SIRPD: variants seen among roughly 807,000 people sequenced by gnomAD.
SIRPD encodes the protein signal regulatory protein delta.
SIRPD carries 21 observed loss-of-function variants against 18.0 expected under a neutral mutation model. The observed-to-expected ratio is 1.17, with a 90% CI of 0.83 to 1.68. SIRPD has a LOEUF of 1.68. SIRPD is among the 40% of genes most tolerant of loss of function. The probability of loss-of-function intolerance (pLI) is 0.00; values close to 1 mark genes in which losing one functional copy is unlikely to be tolerated. For missense variants in SIRPD, 295 were observed against 238.4 expected (o/e 1.24, Z -1.56); for synonymous variants, 106 against 92.9 (o/e 1.14, Z -0.81).
chr20:1,546,094 G>A (rs573106161), intron 2 of SIRPD, among the ~76,000 whole-genome samples: 47 of 152,340 alleles, frequency 3.1e-4, no homozygotes, highest in Non-Finnish European at 2.4e-4. Context: ...GAGGCACGGG[G>A]GTCAGCGACC....
intron 2 of SIRPD, among the ~76,000 whole-genome samples, chr20:1,540,889 G>A (rs1278269050): frequency 1.3e-5 from 2 of 152,096 alleles, no homozygotes; most frequent in Non-Finnish European, 2.9e-5. Flanking sequence ...AATATGTGGT[G>A]TTTATTTTTT....
chr20:1,540,245 T>C (rs1485916809), intron 2 of SIRPD: 1 of 455,656 alleles, frequency 2.2e-6, no homozygotes, highest in East Asian at 6.9e-5. Flanking sequence ...TGTTCTCTCC[T>C]AGAACCTCCA....
chr20:1,535,063 C>T (rs893486583), intron 3 of SIRPD, among the ~76,000 whole-genome samples: 1 of 151,984 alleles, frequency 6.6e-6, no homozygotes, highest in Non-Finnish European at 1.5e-5. Flanking sequence ...GATGGTACAA[C>T]CACAAAATGG....
chr20:1,553,788 C>T (rs755188463), intron 1 of SIRPD, among the ~76,000 whole-genome samples: 3 of 152,138 alleles, frequency 2.0e-5, no homozygotes, highest in Non-Finnish European at 2.9e-5. Flanking sequence ...TCCAGAATGG[C>T]TTACTAGAAA....
At position 1,552,098 on chromosome 20, in the gene SIRPD, G is replaced by T. The variant is rs187691061; in HGVS notation, c.74-60C>A. 92 of 1,383,816 alleles carry T rather than the reference G, an allele frequency of 6.6e-5. 1 individual carries two copies. The East Asian group carries it at 2.1e-3, about 31-fold the overall frequency. The allele number at this position is 1,383,816 out of a possible 1,614,324, so 85.7% of individuals were successfully genotyped here. A position where few individuals can be genotyped will look rare whatever the true frequency, so the allele number is the denominator to read the frequency against. On this transcript the variant is annotated intron_variant, in intron 1 of 3. Coordinates refer to ENST00000381623, the MANE Select transcript of SIRPD (RefSeq NM_178460.3). ...CTGTTCTGGCTTAAGCATGGGTACG[G>T]GTCACGGTTGGGCCTCATTCATTAA...
rs189061799 is a variant in SIRPD at position 1,539,578 on chromosome 20, C to G, written c.422-2268G>C. Reference sequence around the variant, plus strand: ...TGAGAGAACTGCTGTGGTAGTCAGCCTTTGAGATTATCTCCAGCTCCTGGC... The same window carrying G: ...TGAGAGAACTGCTGTGGTAGTCAGCGTTTGAGATTATCTCCAGCTCCTGGC... On this transcript the variant is annotated intron_variant, in intron 2 of 3. Coordinates refer to ENST00000381623, the MANE Select transcript of SIRPD (RefSeq NM_178460.3). Among the ~76,000 whole-genome samples the G allele has an allele frequency of 1.2e-4, 19 of 152,298 alleles. 1 individual carries two copies. The East Asian group carries it at 3.5e-3, about 28-fold the overall frequency.
chr20:1,535,527 G>A (rs1269460910), intron 3 of SIRPD, among the ~76,000 whole-genome samples: 1 of 152,114 alleles, frequency 6.6e-6, no homozygotes, highest in Non-Finnish European at 1.5e-5. Context: ...AGAGACCCAA[G>A]TATAGTATGC....
At chr20:1,540,947 G>A (rs74181592) in intron 2 of SIRPD, among the ~76,000 whole-genome samples, 5,003 of 152,222 alleles carry the variant, frequency 0.033, 129 homozygotes, top group Non-Finnish European at 0.054. Context: ...CTTCATCCAT[G>A]TCCCTGGAAA....
At chr20:1,555,464 G>A (rs1426906269) in intron 1 of SIRPD, among the ~76,000 whole-genome samples, 1 of 152,172 alleles carries the variant, frequency 6.6e-6, no homozygotes, top group African/African-American at 2.4e-5. Context: ...CTTCAAACTA[G>A]CTAAAAGAGT....
rs1352202774 is a variant in SIRPD at position 1,534,545 on chromosome 20, T to A, written c.578-104A>T. The A allele has an allele frequency of 3.7e-5, 46 of 1,251,424 alleles. No homozygotes were observed. The South Asian group carries it at 6.0e-4, about 16-fold the overall frequency. The allele number at this position is 1,251,424 out of a possible 1,614,324, so 77.5% of individuals were successfully genotyped here. A position where few individuals can be genotyped will look rare whatever the true frequency, so the allele number is the denominator to read the frequency against. On this transcript the variant is annotated intron_variant, in intron 3 of 3. Transcript: ENST00000381623. ...TTAGCTTAGCAAACATGAAAAAGAT[T>A]GCCAATTTTCTGTGTTGCTAAGGTT...
At chr20:1,538,321 A>G (rs760839979) in intron 2 of SIRPD, among the ~76,000 whole-genome samples, 4 of 152,124 alleles carry the variant, frequency 2.6e-5, no homozygotes, top group Non-Finnish European at 5.9e-5. Context: ...TCGACACCTT[A>G]TTCTAGCTTG....
At chr20:1,550,597 C>T (rs2091014487) in intron 2 of SIRPD, among the ~76,000 whole-genome samples, 2 of 152,096 alleles carry the variant, frequency 1.3e-5, no homozygotes, top group Admixed American at 1.3e-4. Flanking sequence ...TGTGAGGAAC[C>T]CAGAATCCTC....
intron 2 of SIRPD, among the ~76,000 whole-genome samples, chr20:1,541,751 C>T (rs1282795368): frequency 2.0e-5 from 3 of 152,126 alleles, no homozygotes; most frequent in African/African-American, 7.2e-5. Flanking sequence ...AGGTTTTCTT[C>T]TAGGGTTGTT....
intron 2 of SIRPD, among the ~76,000 whole-genome samples, chr20:1,547,062 T>G (rs2090996647): frequency 6.6e-6 from 1 of 152,236 alleles, no homozygotes; most frequent in Non-Finnish European, 1.5e-5. Context: ...TTCTCATGCT[T>G]TTGATACTAT....
At chr20:1,542,713 C>G (rs1485834794) in intron 2 of SIRPD, among the ~76,000 whole-genome samples, 1 of 152,120 alleles carries the variant, frequency 6.6e-6, no homozygotes, top group South Asian at 2.1e-4. Context: ...TCTTGTCTTG[C>G]TCTGGTTTTC....
At chr20:1,538,739 A>G (rs998188724) in intron 2 of SIRPD, among the ~76,000 whole-genome samples, 32 of 152,330 alleles carry the variant, frequency 2.1e-4, no homozygotes, top group African/African-American at 7.7e-4. Context: ...CATCCCAGCT[A>G]AGATGCAGCC....
rs776658887 is a variant in SIRPD, at chr20:1,534,449, A to G, written c.578-8T>C. On this transcript the variant is annotated splice_region_variant and splice_polypyrimidine_tract_variant and intron_variant, in intron 3 of 3. Transcript: ENST00000381623. ...ATTATTTTGACAGCAAGCCTGAAAT[A>G]CAATAAAAATAAAATAAAATAAAAC... 2 of 1,609,862 alleles carry G rather than the reference A, an allele frequency of 1.2e-6. No individual in the cohort carries two copies. Among genetic ancestry groups the G allele is most frequent in the South Asian group, 2.2e-5 (2 of 90,560 alleles).
At position 1,557,580 on chromosome 20, in the gene SIRPD, C is replaced by A; in HGVS notation, c.73+1G>T. The A allele has an allele frequency of 6.4e-7, 1 of 1,568,588 alleles. No homozygotes were observed. The highest frequency in any genetic ancestry group is 8.6e-7 in the Non-Finnish European group (1 of 1,156,644). On this transcript the variant is annotated splice_donor_variant, in intron 1 of 3. Transcript: ENST00000381623. LOFTEE classifies it high-confidence loss of function. ...CACACATACACTGAGGCCCCACTCA[C>A]CTGCCAGTTCAAGCAGCAGATACAG...
chr20:1,543,887 G>C (rs1664003416), intron 2 of SIRPD, among the ~76,000 whole-genome samples: 1 of 152,160 alleles, frequency 6.6e-6, no homozygotes, highest in Non-Finnish European at 1.5e-5. Context: ...TAGTCATTCA[G>C]GAGCAGGTTG....
Sources: allele counts gnomAD v4.1 joint callset (sites outside exome capture counted in the v4.1 genomes callset), GRCh38; gene constraint gnomAD v4.1.1; transcripts MANE v1.5; gene names NCBI Gene and HGNC (gene_info 2026-07-23, HGNC 2026-07-21).